FBP1: variants seen among roughly 807,000 people sequenced by gnomAD.
FBP1 encodes the protein fructose-1,6-bisphosphatase 1.
A neutral mutation model predicts 29.9 loss-of-function variants in FBP1; 22 were observed. The observed-to-expected ratio is 0.74, with a 90% CI of 0.53 to 1.05. The LOEUF is 1.05. Ranked by LOEUF, FBP1 falls within the 50% of genes least tolerant of loss-of-function variation. The probability of loss-of-function intolerance (pLI) is 0.00; values close to 1 mark genes in which losing one functional copy is unlikely to be tolerated. For synonymous variants in FBP1, 175 were observed against 178.6 expected, an observed-to-expected ratio of 0.98 and a Z score of 0.16; for missense variants, 345 against 448.2, an observed-to-expected ratio of 0.77 and a Z score of 2.08.
chr9:94,617,335 G>A (rs948282643), intron 3 of FBP1, among the ~76,000 whole-genome samples: 3 of 152,038 alleles, frequency 2.0e-5, no homozygotes, highest in Non-Finnish European at 4.4e-5. Flanking sequence ...GTACACATTA[G>A]GCCACAGGCT....
Position 94,619,874 on chromosome 9 carries a change from C to CAAAAAAAAAAAAAAAAAAAAAA in FBP1, c.333+433_333+454dup, listed in dbSNP as rs56722632. ...GGGCAACAAGAGCAAAACACTGTCTCAAAAAAAAAAAAAAAAAAAAAAAAA... is the reference window on the plus strand; with the variant it reads ...GGGCAACAAGAGCAAAACACTGTCTCAAAAAAAAAAAAAAAAAAAAAAAAAAAAAAAAAAAAAAAAAAAAAAA... On this transcript the variant is annotated intron_variant, in intron 2 of 6. Transcript: ENST00000375326. 2.9e-4 allele frequency among the ~76,000 whole-genome samples: 29 copies of CAAAAAAAAAAAAAAAAAAAAAA among 99,166 alleles called. 2 individuals are homozygous for CAAAAAAAAAAAAAAAAAAAAAA. The highest frequency in any genetic ancestry group is 1.6e-3 in the African/African-American group (28 of 17,534). The allele number at this position is 99,166 out of a possible 152,430, so 65.1% of individuals were successfully genotyped here. A position where few individuals can be genotyped will look rare whatever the true frequency, so the allele number is the denominator to read the frequency against.
At chr9:94,614,609 A>T (rs1033994797) in intron 3 of FBP1, among the ~76,000 whole-genome samples, 1 of 152,190 alleles carries the variant, frequency 6.6e-6, no homozygotes, top group African/African-American at 2.4e-5. Flanking sequence ...CAACATGACC[A>T]CACATCCTTC....
Position 94,637,911 on chromosome 9 carries a change from C to A in FBP1, c.170+1230G>T, listed in dbSNP as rs28402373. Among the ~76,000 whole-genome samples the A allele has an allele frequency of 6.3e-4, 95 of 151,728 alleles. 2 individuals carry two copies. The East Asian group carries it at 0.018, about 28-fold the overall frequency. ...CAGCCTGACCAACATGGAGAAACCC[C>A]GTTTCTACTAAAAAAAATTACAAAA... On this transcript the variant is annotated intron_variant, in intron 1 of 6. Coordinates refer to ENST00000375326, the MANE Select transcript of FBP1 (RefSeq NM_000507.4).
intron 1 of FBP1, among the ~76,000 whole-genome samples, chr9:94,622,417 C>T (rs903436235): frequency 2.6e-5 from 4 of 152,242 alleles, no homozygotes; most frequent in African/African-American, 9.6e-5. Context: ...CGCCTGGGAA[C>T]TGACGGTCCC....
chr9:94,630,990 T>C (rs1023770777), intron 1 of FBP1, among the ~76,000 whole-genome samples: 1 of 152,154 alleles, frequency 6.6e-6, no homozygotes, highest in Non-Finnish European at 1.5e-5. Flanking sequence ...TAAACCAGTT[T>C]TGCAGGCAAC....
chr9:94,617,901 G>A (rs775211984), intron 2 of FBP1, 41 bp from the exon 3 acceptor site: 6 of 1,441,480 alleles, frequency 4.2e-6, no homozygotes, highest in African/African-American at 1.4e-5. Flanking sequence ...AAATGTTATA[G>A]CAAGATACAC....
At chr9:94,623,069 C>T (rs1827971254) in intron 1 of FBP1, among the ~76,000 whole-genome samples, 1 of 152,080 alleles carries the variant, frequency 6.6e-6, no homozygotes, top group African/African-American at 2.4e-5. Flanking sequence ...ACTGCAACCT[C>T]CGCCTCCCAG....
chr9:94,634,891 C>T (rs900203485), intron 1 of FBP1, among the ~76,000 whole-genome samples: 3 of 151,962 alleles, frequency 2.0e-5, no homozygotes, highest in Non-Finnish European at 2.9e-5. Flanking sequence ...GAGGCCAGTT[C>T]GACCCTGGTC....
chr9:94,621,312 C>T (rs12553772), intron 1 of FBP1, among the ~76,000 whole-genome samples: 65,616 of 146,970 alleles, frequency 0.45, 14,768 homozygotes, highest in East Asian at 0.76. Context: ...AGGAGAATGG[C>T]GTGAACCCGG....
chr9:94,616,910 T>C (rs1424643330), intron 3 of FBP1, among the ~76,000 whole-genome samples: 3 of 131,090 alleles, frequency 2.3e-5, no homozygotes, highest in African/African-American at 9.2e-5. Context: ...CTCCCTCTCC[T>C]CTCTCTCCTC....
intron 3 of FBP1, among the ~76,000 whole-genome samples, chr9:94,613,804 G>C (rs1157571657): frequency 6.7e-6 from 1 of 150,144 alleles, no homozygotes. Context: ...AAGGCCGGAC[G>C]CAGTGGCTCA....
At chr9:94,610,920 G>T (rs1827774597) in intron 3 of FBP1, among the ~76,000 whole-genome samples, 1 of 150,628 alleles carries the variant, frequency 6.6e-6, no homozygotes, top group Non-Finnish European at 1.5e-5. Flanking sequence ...CTGGAGTGCA[G>T]TGGTGCTATC....
At chr9:94,638,620 G>A (rs971537871) in intron 1 of FBP1, among the ~76,000 whole-genome samples, 34 of 84,436 alleles carry the variant, frequency 4.0e-4, no homozygotes, top group Non-Finnish European at 5.3e-4. Flanking sequence ...CTCCCAGCCT[G>A]CTTGCGGGGG....
At chr9:94,615,258 C>T (rs1827846540) in intron 3 of FBP1, among the ~76,000 whole-genome samples, 1 of 152,130 alleles carries the variant, frequency 6.6e-6, no homozygotes, top group African/African-American at 2.4e-5. Flanking sequence ...AGAAGACAGC[C>T]GAGCCTTATT....
chr9:94,609,773 C>T (rs1386352492), intron 4 of FBP1, 148 bp downstream of exon 4: 21 of 902,224 alleles, frequency 2.3e-5, no homozygotes, highest in Non-Finnish European at 3.8e-5. Context: ...CTCTTGGTCT[C>T]CTGCCCCCTT....
intron 1 of FBP1, among the ~76,000 whole-genome samples, chr9:94,637,812 C>T (rs912993650): frequency 5.9e-5 from 9 of 152,050 alleles, no homozygotes; most frequent in African/African-American, 1.2e-4. Context: ...AAAATACCTG[C>T]GCACGGCGGC....
chr9:94,607,997 C>G (rs1000218319), intron 4 of FBP1, among the ~76,000 whole-genome samples: 1 of 152,090 alleles, frequency 6.6e-6, no homozygotes, highest in East Asian at 1.9e-4. Flanking sequence ...ATTCTTTTAT[C>G]GTTGGTAGAA....
chr9:94,614,016 G>GC (rs1439062497), intron 3 of FBP1, among the ~76,000 whole-genome samples: 1 of 150,214 alleles, frequency 6.7e-6, no homozygotes, highest in Non-Finnish European at 1.5e-5. Flanking sequence ...GGGAGGCAGG[G>GC]CTTGCAGTGA....
intron 1 of FBP1, among the ~76,000 whole-genome samples, chr9:94,628,665 G>T (rs189665829): frequency 6.6e-6 from 1 of 152,296 alleles, no homozygotes; most frequent in Non-Finnish European, 1.5e-5. Flanking sequence ...CCGAATCAGG[G>T]CACAGTGTTG....
Sources: gnomAD v4.1 joint callset for allele counts (sites outside exome capture counted in the v4.1 genomes callset) on GRCh38, gnomAD v4.1.1 for gene constraint, MANE v1.5 for transcripts, NCBI Gene and HGNC (gene_info 2026-07-23, HGNC 2026-07-21) for gene names.